The following ACOXL variants were observed in gnomAD, a reference collection of about 807,000 sequenced individuals.
ACOXL encodes the protein acyl-coenzyme A oxidase-like protein.
A neutral mutation model predicts 71.9 loss-of-function variants in ACOXL; 70 were observed. The ratio of observed to expected loss-of-function variants is 0.97; its 90% CI spans 0.80 to 1.19. ACOXL has a LOEUF of 1.19. Ranked by LOEUF, ACOXL falls within the 50% of genes most tolerant of loss-of-function variation. The pLI is 0.00. For synonymous variants in ACOXL, 253 were observed against 281.6 expected (o/e 0.90, Z 1.02); for missense variants, 703 against 736.3 (o/e 0.95, Z 0.52).
intron 15 of ACOXL, among the ~76,000 whole-genome samples, chr2:111,034,146 G>A (rs142139977): frequency 1.3e-5 from 2 of 152,272 alleles, no homozygotes; most frequent in Non-Finnish European, 2.9e-5. Flanking sequence ...CCCTCTCTGA[G>A]CTTCAGTTTC....
intron 9 of ACOXL, among the ~76,000 whole-genome samples, chr2:110,806,284 G>A (rs902274864): frequency 1.3e-5 from 2 of 152,248 alleles, no homozygotes; most frequent in African/African-American, 2.4e-5. Flanking sequence ...ACACGCGTAC[G>A]CGGCCTGGCC....
At chr2:110,769,537 C>T (rs1029660088) in intron 2 of ACOXL, among the ~76,000 whole-genome samples, 1 of 151,646 alleles carries the variant, frequency 6.6e-6, no homozygotes, top group Non-Finnish European at 1.5e-5. Context: ...GCCTGTAATC[C>T]TAGCACTTTG....
At position 110,767,923 on chromosome 2, in the gene ACOXL, AACACACACACACACACACAC is replaced by A. The variant is rs58524964; in HGVS notation, c.-22-407_-22-388del. On this transcript the variant is annotated intron_variant, in intron 1 of 17. Coordinates refer to ENST00000439055, the MANE Select transcript of ACOXL (RefSeq NM_001142807.4). ...ATATGGCGAAACCCTGTCTCTACTA[AACACACACACACACACACAC>A]ACACACACACACACACACACACACA... Among the ~76,000 whole-genome samples the A allele has an allele frequency of 4.4e-3, 505 of 114,448 alleles. 3 individuals carry two copies. The highest frequency in any genetic ancestry group is 8.6e-3 in the South Asian group (25 of 2,908). The allele number at this position is 114,448 out of a possible 152,430, so 75.1% of individuals were successfully genotyped here.
At chr2:111,008,796 T>C (rs190593694) in intron 14 of ACOXL, among the ~76,000 whole-genome samples, 4 of 152,346 alleles carry the variant, frequency 2.6e-5, no homozygotes, top group African/African-American at 9.6e-5. Flanking sequence ...TTTTCAATTT[T>C]TGCCAGTTTG....
At chr2:110,760,185 G>C (rs1325389418) in intron 1 of ACOXL, among the ~76,000 whole-genome samples, 2 of 150,616 alleles carry the variant, frequency 1.3e-5, no homozygotes, top group Non-Finnish European at 3.0e-5. Context: ...TGTTGCCCAG[G>C]CTGGAGTGCA....
At chr2:110,784,840 T>C in intron 3 of ACOXL, 25 bp downstream of exon 3, 1 of 1,581,562 alleles carries the variant, frequency 6.3e-7, no homozygotes, top group Non-Finnish European at 8.6e-7. Flanking sequence ...GCACCTGCCC[T>C]TCATGAATGC....
intron 10 of ACOXL, chr2:110,887,774 A>T (rs1697476867): frequency 6.6e-6 from 1 of 152,130 alleles, no homozygotes; most frequent in African/African-American, 2.4e-5. Flanking sequence ...ATTGACTGTT[A>T]CCCTAAAGTG....
chr2:110,890,044 C>T (rs996675804), intron 10 of ACOXL, among the ~76,000 whole-genome samples: 5 of 152,126 alleles, frequency 3.3e-5, no homozygotes, highest in African/African-American at 1.2e-4. Flanking sequence ...TTTACATTTG[C>T]CTAATGACTA....
chr2:110,904,964 C>T (rs1425849234), intron 10 of ACOXL, among the ~76,000 whole-genome samples: 2 of 152,074 alleles, frequency 1.3e-5, no homozygotes, highest in Non-Finnish European at 2.9e-5. Flanking sequence ...AAAATGCACT[C>T]AAAGGGAGTC....
At chr2:110,912,068 C>G (rs1038647790) in intron 11 of ACOXL, among the ~76,000 whole-genome samples, 3 of 151,548 alleles carry the variant, frequency 2.0e-5, no homozygotes, top group Admixed American at 2.0e-4. Context: ...AATGAATAAT[C>G]CAAAAATCAA....
intron 3 of ACOXL, among the ~76,000 whole-genome samples, chr2:110,788,073 A>G (rs1419482202): frequency 6.6e-6 from 1 of 152,242 alleles, no homozygotes; most frequent in Non-Finnish European, 1.5e-5. Context: ...TCAAAACGAT[A>G]TGGTTGTTTC....
intron 16 of ACOXL, among the ~76,000 whole-genome samples, chr2:111,073,408 T>C (rs2067436883): frequency 1.3e-5 from 2 of 152,220 alleles, no homozygotes; most frequent in Non-Finnish European, 2.9e-5. Context: ...TTTAGATTTA[T>C]AATTCATTTT....
chr2:110,829,712 AGT>A (rs1032496686), intron 9 of ACOXL, among the ~76,000 whole-genome samples: 1 of 152,118 alleles, frequency 6.6e-6, no homozygotes, highest in African/African-American at 2.4e-5. Flanking sequence ...TCCCTTGCTG[AGT>A]GTGTGTGTAT....
intron 9 of ACOXL, among the ~76,000 whole-genome samples, chr2:110,828,779 G>A (rs1559315248): frequency 6.6e-6 from 1 of 152,088 alleles, no homozygotes; most frequent in Non-Finnish European, 1.5e-5. Context: ...GCTTCTTTGG[G>A]GAGCTCTGAG....
In ACOXL at chr2:110,929,372, A is replaced by T. The variant is rs1205021736; in HGVS notation, c.906-4117A>T. On this transcript the variant is annotated intron_variant, in intron 11 of 17. Coordinates refer to ENST00000439055, the MANE Select transcript of ACOXL (RefSeq NM_001142807.4). Reference sequence around the variant, plus strand: ...GTGTGGAACTTTGAACTTGAGGGAGATGATTTAGGGTATCTGGCACAAGCA... The same window carrying T: ...GTGTGGAACTTTGAACTTGAGGGAGTTGATTTAGGGTATCTGGCACAAGCA... Among the ~76,000 whole-genome samples, 2 of 152,126 alleles carry T rather than the reference A, an allele frequency of 1.3e-5. 1 individual carries two copies. Among genetic ancestry groups the T allele is most frequent in the East Asian group, 3.9e-4 (2 of 5,188 alleles).
intron 9 of ACOXL, among the ~76,000 whole-genome samples, chr2:110,831,816 T>C (rs959970026): frequency 1.5e-4 from 23 of 152,124 alleles, no homozygotes; most frequent in African/African-American, 5.6e-4. Flanking sequence ...GGAAGAGTGA[T>C]TCAATGGAGG....
intron 16 of ACOXL, among the ~76,000 whole-genome samples, chr2:111,068,407 T>C (rs766856989): frequency 2.6e-5 from 4 of 152,320 alleles, no homozygotes; most frequent in South Asian, 4.1e-4. Flanking sequence ...TGAATGTTCT[T>C]AGATACACAG....
chr2:110,773,635 C>T (rs1013773559), intron 2 of ACOXL, among the ~76,000 whole-genome samples: 19 of 152,216 alleles, frequency 1.2e-4, no homozygotes, highest in African/African-American at 4.3e-4. Flanking sequence ...TTGGCTCCCT[C>T]TTGGGCCTCT....
intron 15 of ACOXL, among the ~76,000 whole-genome samples, chr2:111,042,630 G>A (rs1025089717): frequency 1.3e-5 from 2 of 152,234 alleles, no homozygotes; most frequent in African/African-American, 4.8e-5. Context: ...AAACAATATT[G>A]AGAGAATGAG....
Sources: allele counts gnomAD v4.1 joint callset (sites outside exome capture counted in the v4.1 genomes callset), GRCh38; gene constraint gnomAD v4.1.1; transcripts MANE v1.5; gene names NCBI Gene and HGNC (gene_info 2026-07-23, HGNC 2026-07-21).